LHFPL3: variants seen among roughly 807,000 people sequenced by gnomAD.
LHFPL3 encodes LHFPL tetraspan subfamily member 3 protein.
In LHFPL3, 5 loss-of-function variants were observed where a neutral mutation model predicts 19.3. That is an observed-to-expected ratio of 0.26 (90% confidence interval 0.14 to 0.54). The LOEUF is 0.54. Among genes scored for constraint, LHFPL3 ranks in the 20% least tolerant of loss-of-function variants. The probability of loss-of-function intolerance (pLI) is 0.94; values close to 1 mark genes in which losing one functional copy is unlikely to be tolerated. For missense variants in LHFPL3, 249 were observed against 307.4 expected (o/e 0.81, Z 1.42); for synonymous variants, 133 against 126.2 (o/e 1.05, Z -0.36).
chr7:104,859,495 C>G (rs1184243895), intron 2 of LHFPL3, among the ~76,000 whole-genome samples: 4 of 151,790 alleles, frequency 2.6e-5, no homozygotes, highest in African/African-American at 7.3e-5. Context: ...ATAGTGAAAC[C>G]CCATCTCTAC....
At chr7:104,345,799 T>C (rs963190888) in intron 1 of LHFPL3, among the ~76,000 whole-genome samples, 1 of 152,164 alleles carries the variant, frequency 6.6e-6, no homozygotes, top group Non-Finnish European at 1.5e-5. Flanking sequence ...TGCTCCTAGA[T>C]ACCTTCCCAT....
Position 104,448,729 on chromosome 7 carries a change from C to T in LHFPL3, c.445+119505C>T, listed in dbSNP as rs372422723. On this transcript the variant is annotated intron_variant, in intron 1 of 2. Coordinates refer to ENST00000424859, the MANE Select transcript of LHFPL3 (RefSeq NM_199000.3). ...TCTCTCAGTGTTAGAGATAACAGGA[C>T]ACAGCACTCCATGAATTGCTTTGGT... 5.2e-4 allele frequency among the ~76,000 whole-genome samples: 79 copies of T among 152,242 alleles called. 1 individual carries two copies. The highest frequency in any genetic ancestry group is 1.9e-3 in the South Asian group (9 of 4,822).
At chr7:104,548,877 C>G (rs1043331981) in intron 1 of LHFPL3, among the ~76,000 whole-genome samples, 1 of 152,200 alleles carries the variant, frequency 6.6e-6, no homozygotes, top group Non-Finnish European at 1.5e-5. Context: ...TTCAGCCTGG[C>G]TCCCTGCACA....
intron 1 of LHFPL3, among the ~76,000 whole-genome samples, chr7:104,638,392 G>A (rs572391430): frequency 1.3e-5 from 2 of 150,682 alleles, no homozygotes; most frequent in East Asian, 2.0e-4. Context: ...TCTTCCTCTT[G>A]CCTGATTGCT....
At chr7:104,727,258 T>A (rs1793609595) in intron 1 of LHFPL3, among the ~76,000 whole-genome samples, 1 of 152,224 alleles carries the variant, frequency 6.6e-6, no homozygotes. Context: ...TTGCAAAACT[T>A]TTCTCCCATT....
chr7:104,531,065 C>T (rs190517740), intron 1 of LHFPL3, among the ~76,000 whole-genome samples: 106 of 152,240 alleles, frequency 7.0e-4, no homozygotes, highest in African/African-American at 2.4e-3. Context: ...GGAATAGTTC[C>T]GTTGCAAAGG....
At chr7:104,891,261 G>A (rs1353651184) in intron 2 of LHFPL3, among the ~76,000 whole-genome samples, 3 of 152,060 alleles carry the variant, frequency 2.0e-5, no homozygotes, top group Non-Finnish European at 4.4e-5. Flanking sequence ...TCCCATAAAT[G>A]TATTTCTTAC....
intron 1 of LHFPL3, among the ~76,000 whole-genome samples, chr7:104,497,309 G>GAAAAAAAAAA (rs34908934): frequency 1.0e-5 from 1 of 96,692 alleles, no homozygotes; most frequent in Non-Finnish European, 2.3e-5. Context: ...TTGAGAAAAG[G>GAAAAAAAAAA]AAAAAAAAAA....
chr7:104,845,281 G>GTGTGC, intron 2 of LHFPL3: 1 of 733,768 alleles, frequency 1.4e-6, no homozygotes, highest in Non-Finnish European at 2.4e-6. Flanking sequence ...ACCGTCAATG[G>GTGTGC]AATAGCCAGG....
rs1043093769 is a variant in LHFPL3, at chr7:104,372,724, A to T, written c.445+43500A>T. Among the ~76,000 whole-genome samples the T allele has an allele frequency of 3.9e-5, 6 of 152,288 alleles. No homozygotes were observed. In the East Asian group the frequency reaches 1.2e-3, roughly 29 times the overall value. ...AGTAAGATATGAAGGTGGTTTGTGA[A>T]TTTTTAAGTATTACAAGAGATGTCG... On this transcript the variant is annotated intron_variant, in intron 1 of 2. Coordinates refer to ENST00000424859, the MANE Select transcript of LHFPL3 (RefSeq NM_199000.3).
intron 2 of LHFPL3, among the ~76,000 whole-genome samples, chr7:104,832,786 G>A (rs1790980217): frequency 6.7e-6 from 1 of 148,696 alleles, no homozygotes. Flanking sequence ...AGACCAGCCT[G>A]GCCAACATGA....
In LHFPL3 at chr7:104,719,759, C is replaced by A. The variant is rs141388081; in HGVS notation, c.446-16916C>A. On this transcript the variant is annotated intron_variant, in intron 1 of 2. Transcript: ENST00000424859. The stretch of plus-strand genomic sequence containing the variant: ...CAATATTCGAAAGTGATTTCACATG[C>A]GTTGTTACTGTTCATATGTAGAGGA... 1.8e-3 allele frequency among the ~76,000 whole-genome samples: 281 copies of A among 152,186 alleles called. 2 individuals are homozygous for A. The highest frequency in any genetic ancestry group is 5.7e-3 in the African/African-American group (236 of 41,522).
At chr7:104,516,503 CA>C (rs1478697500) in intron 1 of LHFPL3, among the ~76,000 whole-genome samples, 1 of 151,472 alleles carries the variant, frequency 6.6e-6, no homozygotes, top group South Asian at 2.1e-4. Flanking sequence ...TTTTATTTGC[CA>C]AAATTAATTA....
intron 2 of LHFPL3, among the ~76,000 whole-genome samples, chr7:104,897,030 G>A (rs1027866395): frequency 5.9e-5 from 9 of 151,474 alleles, no homozygotes; most frequent in East Asian, 3.9e-4. Flanking sequence ...AGATTGCAAT[G>A]AGCCAAGATT....
intron 1 of LHFPL3, among the ~76,000 whole-genome samples, chr7:104,536,462 AT>A (rs1794391025): frequency 6.6e-6 from 1 of 152,168 alleles, no homozygotes; most frequent in Non-Finnish European, 1.5e-5. Context: ...TTGGAACATC[AT>A]TTTCCCCCAC....
At chr7:104,668,770 G>A in intron 1 of LHFPL3, 2 of 1,608,432 alleles carry the variant, frequency 1.2e-6, no homozygotes, top group African/African-American at 1.4e-5. Flanking sequence ...GTACTCCTAA[G>A]GAAGATGATT....
At chr7:104,628,961 C>T (rs1791594054) in intron 1 of LHFPL3, among the ~76,000 whole-genome samples, 1 of 152,144 alleles carries the variant, frequency 6.6e-6, no homozygotes, top group South Asian at 2.1e-4. Context: ...TCCTATCAAA[C>T]ATTAACTTAA....
At chr7:104,806,381 C>T (rs73714132) in intron 2 of LHFPL3, among the ~76,000 whole-genome samples, 1 of 152,282 alleles carries the variant, frequency 6.6e-6, no homozygotes, top group African/African-American at 2.4e-5. Flanking sequence ...TCTAGAAACC[C>T]TTAAACTGTT....
chr7:104,669,406 T>A, intron 1 of LHFPL3: 1 of 1,613,612 alleles, frequency 6.2e-7, no homozygotes, highest in Non-Finnish European at 8.5e-7. Flanking sequence ...CAGAGACCAC[T>A]GGAAGGAGTC....
Sources: allele counts gnomAD v4.1 joint callset (sites outside exome capture counted in the v4.1 genomes callset), GRCh38; gene constraint gnomAD v4.1.1; transcripts MANE v1.5; gene names NCBI Gene and HGNC (gene_info 2026-07-23, HGNC 2026-07-21).